The following IFT81 variants were observed in gnomAD, a reference collection of about 807,000 sequenced individuals.
IFT81 encodes the protein intraflagellar transport 81.
IFT81 carries 72 observed loss-of-function variants against 102.6 expected under a neutral mutation model. The ratio of observed to expected loss-of-function variants is 0.70; its 90% CI spans 0.58 to 0.85. IFT81 has a LOEUF of 0.85. Ranked by LOEUF, IFT81 falls within the 40% of genes least tolerant of loss-of-function variation. The pLI is 0.00. For synonymous variants in IFT81, 237 were observed against 242.7 expected (o/e 0.98, Z 0.22); for missense variants, 723 against 787.3 (o/e 0.92, Z 0.98).
At chr12:110,176,531 G>T (rs1470847328) in intron 11 of IFT81, among the ~76,000 whole-genome samples, 1 of 152,218 alleles carries the variant, frequency 6.6e-6, no homozygotes, top group African/African-American at 2.4e-5. Flanking sequence ...TGAAGATTTA[G>T]CTTCAATGTG....
rs765670964 is a variant in IFT81 at position 110,209,184 on chromosome 12, A to C, written c.1816A>C (p.Lys606Gln). 8 of 1,547,712 alleles carry C rather than the reference A, an allele frequency of 5.2e-6. No individual in the cohort carries two copies. The highest frequency in any genetic ancestry group is 7.1e-6 in the Non-Finnish European group (8 of 1,124,068). The change falls in exon 18 of 19, where the codon AAA (lysine) becomes CAA (glutamine). Residue 606 changes from lysine to glutamine, a missense_variant. Coordinates refer to ENST00000242591, the MANE Select transcript of IFT81 (RefSeq NM_014055.4). Reference protein sequence around the residue: ...KRKAIREQYTKNTAEQENLGK... With the variant: ...KRKAIREQYTQNTAEQENLGK... Reference sequence around the variant, plus strand: ...TTGACTCCCTAGGGAACAGTATACCAAAAATACTGCTGAACAAGAAAACCT... The same window carrying C: ...TTGACTCCCTAGGGAACAGTATACCCAAAATACTGCTGAACAAGAAAACCT...
intron 11 of IFT81, among the ~76,000 whole-genome samples, chr12:110,172,527 C>T (rs949924541): frequency 2.6e-5 from 4 of 152,214 alleles, no homozygotes; most frequent in African/African-American, 9.6e-5. Context: ...CCTGCAATTG[C>T]AGGCGCGCGC....
intron 7 of IFT81, among the ~76,000 whole-genome samples, chr12:110,136,311 A>T (rs1894507013): frequency 6.6e-6 from 1 of 152,208 alleles, no homozygotes; most frequent in Non-Finnish European, 1.5e-5. Flanking sequence ...TTTACTACTA[A>T]ATCAGCAGTT....
intron 11 of IFT81, among the ~76,000 whole-genome samples, chr12:110,178,384 A>G (rs1161214011): frequency 6.6e-6 from 1 of 150,412 alleles, no homozygotes; most frequent in Non-Finnish European, 1.5e-5. Context: ...GCTGCACTCC[A>G]GCCTTAGAGA....
intron 12 of IFT81, among the ~76,000 whole-genome samples, chr12:110,181,573 T>C (rs1445980004): frequency 6.6e-6 from 1 of 152,218 alleles, no homozygotes; most frequent in Non-Finnish European, 1.5e-5. Flanking sequence ...GTGAAGAGAA[T>C]GTATATTCTG....
Position 110,163,003 on chromosome 12 carries a change from G to C in IFT81, c.1126G>C (p.Ala376Pro). The change falls in exon 11 of 19, where the codon GCA becomes CCA. Residue 376 changes from alanine (A) to proline (P), a missense_variant. Transcript: ENST00000242591. The stretch of plus-strand genomic sequence containing the variant: ...GAAGTTAGCCAGCCTAGAGAGAGAA[G>C]CATCAGTAAAGAGAAATCAGACCCG... Reference protein sequence around the residue: ...KEKLASLEREASVKRNQTREF... With the variant: ...KEKLASLEREPSVKRNQTREF... 1 of 1,613,986 alleles carries C rather than the reference G, an allele frequency of 6.2e-7. No homozygotes were observed. The highest frequency in any genetic ancestry group is 8.5e-7 in the Non-Finnish European group (1 of 1,179,932).
At chr12:110,132,993 C>T (rs1230564166) in intron 5 of IFT81, among the ~76,000 whole-genome samples, 2 of 125,724 alleles carry the variant, frequency 1.6e-5, no homozygotes, top group Admixed American at 8.9e-5. Flanking sequence ...TTTTTTGAGA[C>T]AGGGTCTCAC....
chr12:110,149,832 G>A (rs7309141), intron 10 of IFT81, among the ~76,000 whole-genome samples: 75,270 of 151,852 alleles, frequency 0.5, 20,870 homozygotes, highest in African/African-American at 0.75. Flanking sequence ...CTTGATGTCC[G>A]GCCACTTGTG....
intron 12 of IFT81, among the ~76,000 whole-genome samples, chr12:110,182,164 T>A (rs971528541): frequency 3.3e-5 from 5 of 152,156 alleles, no homozygotes; most frequent in African/African-American, 1.2e-4. Flanking sequence ...GCAAATGAGG[T>A]CTGAGTGGGG....
intron 12 of IFT81, 55 bp downstream of exon 12, chr12:110,180,626 G>T: frequency 1.5e-6 from 2 of 1,366,752 alleles, no homozygotes; most frequent in Non-Finnish European, 2.0e-6. Context: ...AGGTTTATGG[G>T]TTACAGCTTT....
At chr12:110,165,082 G>A (rs1896361249) in intron 11 of IFT81, among the ~76,000 whole-genome samples, 1 of 150,362 alleles carries the variant, frequency 6.7e-6, no homozygotes, top group Non-Finnish European at 1.5e-5. Context: ...CGGATCCAAT[G>A]ACAGGGAAAA....
chr12:110,142,934 A>G (rs1263403072), intron 8 of IFT81, among the ~76,000 whole-genome samples: 5 of 152,104 alleles, frequency 3.3e-5, no homozygotes, highest in Non-Finnish European at 7.4e-5. Context: ...GTATATATAT[A>G]GCATTAAAAG....
At chr12:110,174,297 A>G (rs1223082912) in intron 11 of IFT81, among the ~76,000 whole-genome samples, 1 of 149,336 alleles carries the variant, frequency 6.7e-6, no homozygotes, top group Non-Finnish European at 1.5e-5. Context: ...AAAAAAAAAA[A>G]AAAAAAAAAA....
intron 9 of IFT81, among the ~76,000 whole-genome samples, chr12:110,144,618 C>T (rs1895093448): frequency 6.6e-6 from 1 of 151,772 alleles, no homozygotes; most frequent in Non-Finnish European, 1.5e-5. Context: ...TCAAGCCATT[C>T]TCCTGCCTCA....
In IFT81 at chr12:110,163,039, G is replaced by A. The variant is rs746697757; in HGVS notation, c.1162G>A (p.Gly388Ser). 3 of 1,613,856 alleles carry A rather than the reference G, an allele frequency of 1.9e-6. No homozygotes were observed. The South Asian group carries it at 3.3e-5, about 18-fold the overall frequency. The change falls in exon 11 of 19, where the codon GGT (glycine) becomes AGT (serine). Residue 388 changes from glycine (G) to serine (S), a missense_variant. By Grantham distance (56) the Gly-to-Ser change is moderately conservative. Coordinates refer to ENST00000242591, the MANE Select transcript of IFT81 (RefSeq NM_014055.4). ...GAGAAATCAGACCCGTGAATTTGATGGTACTGAAGTTTTAAAGGGAGATGA... is the reference window on the plus strand; with the variant it reads ...GAGAAATCAGACCCGTGAATTTGATAGTACTGAAGTTTTAAAGGGAGATGA... ...VKRNQTREFD[G>S]TEVLKGDEFK...
intron 14 of IFT81, among the ~76,000 whole-genome samples, chr12:110,197,016 T>C (rs1203006125): frequency 1.3e-5 from 2 of 152,016 alleles, no homozygotes; most frequent in Admixed American, 6.6e-5. Context: ...CTCGGCAACA[T>C]AGCAAGACTC....
chr12:110,147,640 G>A (rs1384657250), intron 10 of IFT81, among the ~76,000 whole-genome samples: 1 of 152,126 alleles, frequency 6.6e-6, no homozygotes, highest in Non-Finnish European at 1.5e-5. Flanking sequence ...ACATAACAAA[G>A]CATTATTTAA....
intron 18 of IFT81, among the ~76,000 whole-genome samples, chr12:110,214,298 A>G (rs975000498): frequency 2.0e-5 from 3 of 152,070 alleles, no homozygotes; most frequent in African/African-American, 7.2e-5. Flanking sequence ...TAGAGACTCA[A>G]AATTTATCAA....
At chr12:110,177,208 T>C (rs1224141483) in intron 11 of IFT81, among the ~76,000 whole-genome samples, 1 of 152,172 alleles carries the variant, frequency 6.6e-6, no homozygotes, top group Non-Finnish European at 1.5e-5. Context: ...GATAGAAAAA[T>C]ATTTTAAACT....
Sources: allele counts gnomAD v4.1 joint callset (sites outside exome capture counted in the v4.1 genomes callset), GRCh38; gene constraint gnomAD v4.1.1; transcripts MANE v1.5; gene names NCBI Gene and HGNC (gene_info 2026-07-23, HGNC 2026-07-21).